SLK: variants seen among roughly 807,000 people sequenced by gnomAD.
SLK encodes STE20-like serine/threonine-protein kinase.
Under a neutral mutation model 147.7 loss-of-function variants are expected in SLK, and 67 were observed. That is an observed-to-expected ratio of 0.45 (90% confidence interval 0.37 to 0.56). The LOEUF is 0.56. Among genes scored for constraint, SLK ranks in the 20% least tolerant of loss-of-function variants. The pLI, the probability that SLK is intolerant of heterozygous loss-of-function variation, is 0.00. For synonymous variants in SLK, 441 were observed against 475.0 expected (o/e 0.93, Z 0.93); for missense variants, 1,136 against 1,438.8 (o/e 0.79, Z 3.41).
intron 13 of SLK, among the ~76,000 whole-genome samples, chr10:104,017,427 A>C (rs904091965): frequency 6.6e-6 from 1 of 151,978 alleles, no homozygotes; most frequent in Non-Finnish European, 1.5e-5. Context: ...TAGTTCCCCA[A>C]ATTCTGATAT....
chr10:104,000,647 A>G (rs1844233643), intron 7 of SLK, among the ~76,000 whole-genome samples: 1 of 152,230 alleles, frequency 6.6e-6, no homozygotes, highest in African/African-American at 2.4e-5. Flanking sequence ...TCTCATTCTC[A>G]AGAATTTTAG....
At chr10:103,985,025 A>C (rs1380516297) in intron 1 of SLK, among the ~76,000 whole-genome samples, 1 of 152,206 alleles carries the variant, frequency 6.6e-6, no homozygotes, top group Non-Finnish European at 1.5e-5. Context: ...ATTTACCTGC[A>C]GTCTGAAAAT....
Position 104,010,866 on chromosome 10 carries a change from G to GAA in SLK, c.2837_2838dup (p.Arg947AsnfsTer26), listed in dbSNP as rs1312824340. ...CCAAAGAGCTGAGAAAAGAGCTCAT[G>GAA]AAACGCAGGAAAGAGGAGCTTGCAC... On this transcript the variant is annotated frameshift_variant, in exon 13 of 19. Coordinates refer to ENST00000369755, the MANE Select transcript of SLK (RefSeq NM_014720.4). LOFTEE classifies it high-confidence loss of function. 6.3e-7 allele frequency: 1 copy of GAA among 1,598,940 alleles called. No individual in the cohort carries two copies. The highest frequency in any genetic ancestry group is 8.5e-7 in the Non-Finnish European group (1 of 1,175,930).
At chr10:103,976,691 A>G (rs763511303) in intron 1 of SLK, among the ~76,000 whole-genome samples, 1 of 152,124 alleles carries the variant, frequency 6.6e-6, no homozygotes, top group South Asian at 2.1e-4. Context: ...CATTACTACA[A>G]TCCAGCTTTG....
At position 103,972,985 on chromosome 10, in the gene SLK, C is replaced by T. The variant is rs142397963; in HGVS notation, c.150+5090C>T. On this transcript the variant is annotated intron_variant, in intron 1 of 18. Coordinates refer to ENST00000369755, the MANE Select transcript of SLK (RefSeq NM_014720.4). ...TTGCTAATATAGTCTCATTCTGAGA[C>T]CTGTCTTTTCATTCTCACTGTAGTG... Among the ~76,000 whole-genome samples, 283 of 152,170 alleles carry T rather than the reference C, an allele frequency of 1.9e-3. 1 individual carries two copies. Among genetic ancestry groups the T allele is most frequent in the Middle Eastern group, 0.01 (3 of 294 alleles).
In SLK at chr10:104,026,653, G is replaced by A. The variant is rs1342848757; in HGVS notation, c.*933G>A. ...ATTTCTCTCCATCTTAGCTAATTCT[G>A]TTTAAAACTCTGTCAGAGGCCTGCA... On this transcript the variant is annotated 3_prime_UTR_variant, in exon 19 of 19. Transcript: ENST00000369755. 6.6e-6 allele frequency: 1 copy of A among 152,084 alleles called. No homozygotes were observed. The allele number at this position is 152,084 out of a possible 1,614,324, so 9.4% of individuals were successfully genotyped here.
In SLK at chr10:103,981,546, A is replaced by G. The variant is rs555083592; in HGVS notation, c.151-9129A>G. 9.7e-4 allele frequency among the ~76,000 whole-genome samples: 147 copies of G among 152,144 alleles called. 1 individual carries two copies. The highest frequency in any genetic ancestry group is 3.3e-3 in the African/African-American group (139 of 41,538). ...GTTTATGGTGTTAGGTAAGGGTCCA[A>G]CTTCACTGTTTCACATGTGGATATT... On this transcript the variant is annotated intron_variant, in intron 1 of 18. Coordinates refer to ENST00000369755, the MANE Select transcript of SLK (RefSeq NM_014720.4).
At chr10:104,018,312 A>G (rs768484487) in intron 14 of SLK, 23 bp downstream of exon 14, 36 of 1,586,892 alleles carry the variant, frequency 2.3e-5, no homozygotes, top group Non-Finnish European at 3.1e-5. Flanking sequence ...AAATTAAGAA[A>G]TACTGCAAAA....
chr10:103,990,310 G>T (rs1844075076), intron 1 of SLK, among the ~76,000 whole-genome samples: 1 of 152,184 alleles, frequency 6.6e-6, no homozygotes, highest in South Asian at 2.1e-4. Context: ...AGAGCAAACT[G>T]TAATGTAAAC....
At chr10:103,971,271 TG>T (rs1564648468) in intron 1 of SLK, among the ~76,000 whole-genome samples, 1 of 151,626 alleles carries the variant, frequency 6.6e-6, no homozygotes, top group Non-Finnish European at 1.5e-5. Context: ...GTTGTTGTTT[TG>T]TTTGTGTTTT....
chr10:104,012,268 A>G (rs1844410190), intron 13 of SLK, among the ~76,000 whole-genome samples: 1 of 152,194 alleles, frequency 6.6e-6, no homozygotes, highest in Admixed American at 6.5e-5. Context: ...TGTCACCATC[A>G]TTTCAAAGGA....
At chr10:103,993,386 T>C (rs896775240) in intron 4 of SLK, among the ~76,000 whole-genome samples, 9 of 152,180 alleles carry the variant, frequency 5.9e-5, no homozygotes, top group African/African-American at 1.9e-4. Context: ...GGCATGCTTT[T>C]TAAAGACCAA....
chr10:104,016,508 G>A (rs1844467776), intron 13 of SLK, among the ~76,000 whole-genome samples: 1 of 151,984 alleles, frequency 6.6e-6, no homozygotes, highest in South Asian at 2.1e-4. Flanking sequence ...AATATTCATT[G>A]AAAATTTTTT....
chr10:103,982,011 T>C (rs1843951733), intron 1 of SLK, among the ~76,000 whole-genome samples: 2 of 152,188 alleles, frequency 1.3e-5, no homozygotes, highest in Non-Finnish European at 2.9e-5. Flanking sequence ...ATTGATTTTT[T>C]AGTTTTCATT....
At chr10:104,013,718 C>G (rs957743062) in intron 13 of SLK, among the ~76,000 whole-genome samples, 18 of 152,166 alleles carry the variant, frequency 1.2e-4, no homozygotes, top group African/African-American at 4.1e-4. Flanking sequence ...GTCCCACGTG[C>G]CTGTGGGAGG....
intron 1 of SLK, among the ~76,000 whole-genome samples, chr10:103,975,293 C>T (rs1475770206): frequency 6.6e-6 from 1 of 152,074 alleles, no homozygotes; most frequent in Admixed American, 6.5e-5. Context: ...ACTAATTCAG[C>T]TCATGATGTC....
Position 104,026,779 on chromosome 10 carries a change from C to T in SLK, c.*1059C>T, listed in dbSNP as rs1045416121. ...AAAGTTTAAATTAAATATTTAGGCACGTCAGGAATTACTTTTCCTTATTTT... is the reference window on the plus strand; with the variant it reads ...AAAGTTTAAATTAAATATTTAGGCATGTCAGGAATTACTTTTCCTTATTTT... On this transcript the variant is annotated 3_prime_UTR_variant, in exon 19 of 19. Coordinates refer to ENST00000369755, the MANE Select transcript of SLK (RefSeq NM_014720.4). 1.3e-5 allele frequency: 2 copies of T among 152,110 alleles called. No individual in the cohort carries two copies. The highest frequency in any genetic ancestry group is 2.9e-5 in the Non-Finnish European group (2 of 68,026). 9.4% of individuals were successfully genotyped at this position (152,110 alleles called of 1,614,324 possible).
chr10:104,016,186 G>T (rs915349431), intron 13 of SLK, among the ~76,000 whole-genome samples: 2 of 152,082 alleles, frequency 1.3e-5, no homozygotes, highest in African/African-American at 4.8e-5. Context: ...GGGCGTGGTG[G>T]TGGGCGCCTG....
At chr10:103,993,719 C>T (rs1321140292) in intron 4 of SLK, among the ~76,000 whole-genome samples, 2 of 152,082 alleles carry the variant, frequency 1.3e-5, no homozygotes, top group Non-Finnish European at 2.9e-5. Flanking sequence ...AAAGTTATAG[C>T]GCTCTTTACC....
Sources: gnomAD v4.1 joint callset for allele counts (sites outside exome capture counted in the v4.1 genomes callset) on GRCh38, gnomAD v4.1.1 for gene constraint, MANE v1.5 for transcripts, NCBI Gene and HGNC (gene_info 2026-07-23, HGNC 2026-07-21) for gene names.